Variants in KIAA0753 observed in about 807,000 individuals in gnomAD.
KIAA0753 encodes protein moonraker.
In KIAA0753, 114 loss-of-function variants were observed where a neutral mutation model predicts 116.9. That is an observed-to-expected ratio of 0.98 (90% confidence interval 0.84 to 1.14). KIAA0753 has a LOEUF of 1.14. Ranked by LOEUF, KIAA0753 falls within the 50% of genes most tolerant of loss-of-function variation. The pLI, the probability that KIAA0753 is intolerant of heterozygous loss-of-function variation, is 0.00. For missense variants in KIAA0753, 1,156 were observed against 1,172.4 expected (o/e 0.99, Z 0.20); for synonymous variants, 405 against 413.1 (o/e 0.98, Z 0.24).
At chr17:6,602,258 A>G (rs1013047351) in intron 12 of KIAA0753, among the ~76,000 whole-genome samples, 3 of 152,118 alleles carry the variant, frequency 2.0e-5, no homozygotes, top group African/African-American at 7.2e-5. Flanking sequence ...CAGAAATTAT[A>G]CTCCTAGGCA....
rs749026637 is a variant in KIAA0753, at chr17:6,607,253, G to A, written c.1847C>T (p.Ala616Val). Residue 616 changes from alanine to valine, a missense_variant, in exon 11 of 19, where the codon GCT becomes GTT. Coordinates refer to ENST00000361413, the MANE Select transcript of KIAA0753 (RefSeq NM_014804.3). ...TTCCTTCAATCTTTTGGAAGTTTCA[G>A]CATCAAGCCAAGCGAGCCTAGCAGA... Reference protein sequence around the residue: ...HEAARLAWLDAETSKRLKELE... With the variant: ...HEAARLAWLDVETSKRLKELE... The A allele has an allele frequency of 1.2e-6, 2 of 1,614,036 alleles. No individual in the cohort carries two copies. Among genetic ancestry groups the A allele is most frequent in the South Asian group, 2.2e-5 (2 of 91,080 alleles).
rs565997213 is a variant in KIAA0753 at position 6,588,589 on chromosome 17, T to C, written c.2786+1190A>G. Reference sequence around the variant, plus strand: ...ATTGAGAGGCTGGCTACTGCGTACGTAAAGTTAACAAATATATAAAATAAC... The same window carrying C: ...ATTGAGAGGCTGGCTACTGCGTACGCAAAGTTAACAAATATATAAAATAAC... On this transcript the variant is annotated intron_variant, in intron 18 of 18. Coordinates refer to ENST00000361413, the MANE Select transcript of KIAA0753 (RefSeq NM_014804.3). Among the ~76,000 whole-genome samples, 14 of 152,274 alleles carry C rather than the reference T, an allele frequency of 9.2e-5. No homozygotes were observed. In the East Asian group the frequency reaches 2.5e-3, roughly 27 times the overall value.
At chr17:6,587,263 A>G (rs769108674) in intron 18 of KIAA0753, among the ~76,000 whole-genome samples, 1 of 152,292 alleles carries the variant, frequency 6.6e-6, no homozygotes, top group Admixed American at 6.5e-5. Flanking sequence ...TAAAAAAAGA[A>G]GAGATAAAAA....
At chr17:6,595,177 A>T in intron 15 of KIAA0753, 124 bp from the exon 16 acceptor site, 1 of 674,004 alleles carries the variant, frequency 1.5e-6, no homozygotes, top group South Asian at 1.8e-5. Flanking sequence ...AGACATGGGC[A>T]CCTGTCAGGC....
At chr17:6,590,460 A>G (rs2150748569) in intron 17 of KIAA0753, 50 bp downstream of exon 17, 1 of 1,607,688 alleles carries the variant, frequency 6.2e-7, no homozygotes, top group East Asian at 2.2e-5. Flanking sequence ...ATCTAATAAC[A>G]TCAAAGGTGA....
At chr17:6,590,138 C>T (rs1270343177) in intron 17 of KIAA0753, 135 bp from the exon 18 acceptor site, 1 of 735,972 alleles carries the variant, frequency 1.4e-6, no homozygotes, top group East Asian at 2.7e-5. Flanking sequence ...AACTGAACAA[C>T]CTAACACCAT....
intron 7 of KIAA0753, among the ~76,000 whole-genome samples, chr17:6,619,096 G>A (rs1302940370): frequency 2.0e-5 from 3 of 152,106 alleles, no homozygotes; most frequent in African/African-American, 7.2e-5. Flanking sequence ...GGGCGTGGTG[G>A]CACGCACCTG....
intron 15 of KIAA0753, 137 bp downstream of exon 15, chr17:6,596,021 T>TA: frequency 1.3e-6 from 1 of 798,224 alleles, no homozygotes; most frequent in Non-Finnish European, 2.0e-6. Flanking sequence ...GTCATACAGT[T>TA]AGTTGGCAAT....
intron 9 of KIAA0753, 105 bp downstream of exon 9, chr17:6,609,889 T>C: frequency 2.4e-6 from 3 of 1,255,148 alleles, no homozygotes; most frequent in Non-Finnish European, 3.3e-6. Context: ...ATGGAAAAAA[T>C]TAAGGCTACT....
intron 7 of KIAA0753, among the ~76,000 whole-genome samples, chr17:6,617,438 T>TA (rs1567571088): frequency 6.6e-6 from 1 of 152,220 alleles, no homozygotes; most frequent in Non-Finnish European, 1.5e-5. Flanking sequence ...ATTAGGTTTT[T>TA]ATTGTAATAT....
intron 7 of KIAA0753, among the ~76,000 whole-genome samples, chr17:6,612,948 T>A (rs1366915272): frequency 6.6e-6 from 1 of 152,148 alleles, no homozygotes; most frequent in Non-Finnish European, 1.5e-5. Flanking sequence ...TGGGTCCTAA[T>A]TTGATAGAGA....
chr17:6,588,547 C>T (rs1043655427), intron 18 of KIAA0753, among the ~76,000 whole-genome samples: 1 of 152,130 alleles, frequency 6.6e-6, no homozygotes, highest in Non-Finnish European at 1.5e-5. Flanking sequence ...ACTTTTGATC[C>T]AGACAAAAAT....
At position 6,619,666 on chromosome 17, in the gene KIAA0753, A is replaced by G. The variant is rs1406313924; in HGVS notation, c.1315+1122T>C. Among the ~76,000 whole-genome samples, 4 of 152,168 alleles carry G rather than the reference A, an allele frequency of 2.6e-5. No individual in the cohort carries two copies. The East Asian group carries it at 5.8e-4, about 22-fold the overall frequency. ...GGTCCCAAACCCCTGGGCTCAAGCA[A>G]TACACCTGCCTTGGCCTTCCAAAGT... On this transcript the variant is annotated intron_variant, in intron 7 of 18. Transcript: ENST00000361413.
intron 16 of KIAA0753, among the ~76,000 whole-genome samples, chr17:6,593,005 T>C (rs1231590270): frequency 6.6e-6 from 1 of 152,124 alleles, no homozygotes; most frequent in African/African-American, 2.4e-5. Flanking sequence ...ACTATGTGAA[T>C]ATACTAAAAA....
chr17:6,598,618 G>A (rs1018785861), intron 14 of KIAA0753, among the ~76,000 whole-genome samples: 1 of 152,202 alleles, frequency 6.6e-6, no homozygotes, highest in African/African-American at 2.4e-5. Context: ...TTAAATGGAT[G>A]CAACTTGCAC....
At chr17:6,615,614 C>CAA (rs60310389) in intron 7 of KIAA0753, among the ~76,000 whole-genome samples, 2,401 of 58,624 alleles carry the variant, frequency 0.041, 348 homozygotes, top group Admixed American at 0.083. Flanking sequence ...GACTCCGTCT[C>CAA]AAAAAAAAAA....
chr17:6,596,129 C>A (rs758671586), intron 15 of KIAA0753, 29 bp downstream of exon 15: 1 of 1,602,606 alleles, frequency 6.2e-7, no homozygotes, highest in South Asian at 1.1e-5. Flanking sequence ...CCCCTAGCAG[C>A]GAACCAGACC....
At chr17:6,618,142 G>C (rs575471512) in intron 7 of KIAA0753, among the ~76,000 whole-genome samples, 1 of 152,158 alleles carries the variant, frequency 6.6e-6, no homozygotes, top group South Asian at 2.1e-4. Context: ...CACAACTACA[G>C]GGTTTGGGGA....
At chr17:6,579,970 G>T in intron 18 of KIAA0753, 106 bp from the exon 19 acceptor site, 1 of 764,110 alleles carries the variant, frequency 1.3e-6, no homozygotes. Context: ...ATCACCTGAG[G>T]TCAGGAGTTT....
Sources: gnomAD v4.1 joint callset for allele counts (sites outside exome capture counted in the v4.1 genomes callset) on GRCh38, gnomAD v4.1.1 for gene constraint, MANE v1.5 for transcripts, NCBI Gene and HGNC (gene_info 2026-07-23, HGNC 2026-07-21) for gene names.